TUSC3: variants seen among roughly 807,000 people sequenced by gnomAD.
TUSC3 encodes the protein dolichyl-diphosphooligosaccharide--protein glycosyltransferase subunit TUSC3.
TUSC3 carries 45 observed loss-of-function variants against 44.8 expected under a neutral mutation model. That is an observed-to-expected ratio of 1.00 (90% CI 0.79 to 1.29). The LOEUF (loss-of-function observed/expected upper bound fraction) is 1.29. Among genes scored for constraint, TUSC3 ranks in the 50% most tolerant of loss-of-function variants. TUSC3 has a pLI of 0.00. For synonymous variants in TUSC3, 212 were observed against 152.9 expected (o/e 1.39, Z -2.85); for missense variants, 519 against 437.9 (o/e 1.19, Z -1.65).
In TUSC3 at chr8:15,558,297, T is replaced by C. The variant is rs1212763561; in HGVS notation, c.138+17729T>C. The stretch of plus-strand genomic sequence containing the variant: ...TTTGTCTTTGGCTCTGTTTATATGC[T>C]GGATTACATTTATTGATTTGCGTAT... On this transcript the variant is annotated intron_variant, in intron 1 of 10. Coordinates refer to ENST00000503731, the MANE Select transcript of TUSC3 (RefSeq NM_006765.4). Among the ~76,000 whole-genome samples, 2 of 45,592 alleles carry C rather than the reference T, an allele frequency of 4.4e-5. 1 individual carries two copies. Among genetic ancestry groups the C allele is most frequent in the Non-Finnish European group, 1.3e-4 (2 of 15,188 alleles). The allele number at this position is 45,592 out of a possible 152,430, so 29.9% of individuals were successfully genotyped here.
At chr8:15,768,622 T>C (rs1283375946), downstream of TUSC3, among the ~76,000 whole-genome samples, 2 of 152,062 alleles carry the variant, frequency 1.3e-5, no homozygotes, top group Non-Finnish European at 2.9e-5. Flanking sequence ...ATAAAAATTA[T>C]AAAAAGGATA....
chr8:15,487,323 G>T (rs1423337283), intron 2 of TUSC3, among the ~76,000 whole-genome samples: 1 of 152,080 alleles, frequency 6.6e-6, no homozygotes, highest in East Asian at 1.9e-4. Context: ...TTTGTCTCGT[G>T]ATTTATTTCC....
chr8:15,823,529 T>C, the TUSC3 span, among the ~76,000 whole-genome samples: 2 of 152,186 alleles, frequency 1.3e-5, no homozygotes, highest in African/African-American at 4.8e-5. Flanking sequence ...TTATTCATTA[T>C]TGTAGATTCT....
intron 6 of TUSC3, among the ~76,000 whole-genome samples, chr8:15,721,415 T>C (rs1270111651): frequency 6.6e-6 from 1 of 152,102 alleles, no homozygotes; most frequent in African/African-American, 2.4e-5. Context: ...TATGAGAATA[T>C]TAATGTTCCT....
intron 2 of TUSC3, among the ~76,000 whole-genome samples, chr8:15,630,738 G>A (rs1297409191): frequency 6.6e-6 from 1 of 152,154 alleles, no homozygotes; most frequent in African/African-American, 2.4e-5. Flanking sequence ...CTCTCCGCCA[G>A]CATATCCTAA....
chr8:15,829,401 C>A, the TUSC3 span, among the ~76,000 whole-genome samples: 2 of 152,018 alleles, frequency 1.3e-5, no homozygotes, highest in Admixed American at 1.3e-4. Context: ...TTTTTTTTAC[C>A]CTTCCTTACC....
intron 2 of TUSC3, among the ~76,000 whole-genome samples, chr8:15,496,732 T>C (rs1344389449): frequency 2.0e-5 from 3 of 152,076 alleles, no homozygotes; most frequent in Non-Finnish European, 4.4e-5. Flanking sequence ...GGAGTGTGGG[T>C]CATTTTAACA....
intron 1 of TUSC3, among the ~76,000 whole-genome samples, chr8:15,430,964 T>C (rs1396273183): frequency 6.6e-6 from 1 of 151,826 alleles, no homozygotes; most frequent in Admixed American, 6.6e-5. Context: ...ATTGTAATTA[T>C]TGTAATCTTT....
At chr8:15,611,908 A>T (rs1187823935) in intron 1 of TUSC3, among the ~76,000 whole-genome samples, 1 of 152,212 alleles carries the variant, frequency 6.6e-6, no homozygotes, top group Middle Eastern at 3.2e-3. Flanking sequence ...CTTTTCTACT[A>T]AATGCAAAAC....
chr8:15,790,432 C>T, the TUSC3 span, among the ~76,000 whole-genome samples: 1 of 152,060 alleles, frequency 6.6e-6, no homozygotes, highest in Admixed American at 6.5e-5. Context: ...ATCCACTTGC[C>T]TTGGCCTCCC....
chr8:15,482,322 C>G (rs1563262654), intron 1 of TUSC3, among the ~76,000 whole-genome samples: 2 of 152,190 alleles, frequency 1.3e-5, no homozygotes, highest in Non-Finnish European at 2.9e-5. Flanking sequence ...CCTGTTAATA[C>G]TATTGTGATT....
chr8:15,575,519 A>C (rs1001316277), intron 1 of TUSC3, among the ~76,000 whole-genome samples: 5 of 152,200 alleles, frequency 3.3e-5, no homozygotes, highest in Admixed American at 2.6e-4. Context: ...TAATCCCAGC[A>C]CATTGGGAGG....
intron 1 of TUSC3, among the ~76,000 whole-genome samples, chr8:15,460,829 G>T (rs563923799): frequency 5.9e-5 from 9 of 152,102 alleles, no homozygotes; most frequent in Admixed American, 5.2e-4. Flanking sequence ...TCAAAGATCA[G>T]TTGGCTGTAA....
chr8:15,582,014 C>G lies in TUSC3; in HGVS notation c.139-41066C>G, dbSNP rs953831763. ...AGGTGTGGGATATAATCTTGTGGTG[C>G]GCCGCTTTTTAAGCCGGTCTGAAAA... On this transcript the variant is annotated intron_variant, in intron 1 of 10. Coordinates refer to ENST00000503731, the MANE Select transcript of TUSC3 (RefSeq NM_006765.4). 9.2e-5 allele frequency among the ~76,000 whole-genome samples: 14 copies of G among 152,074 alleles called. No individual in the cohort carries two copies. In the South Asian group the frequency reaches 1.2e-3, roughly 14 times the overall value.
the TUSC3 span, among the ~76,000 whole-genome samples, chr8:15,774,452 A>G: frequency 6.6e-6 from 1 of 152,190 alleles, no homozygotes; most frequent in South Asian, 2.1e-4. Flanking sequence ...TCGCCTGACT[A>G]CAAGCCAGCA....
chr8:15,456,880 T>A lies in TUSC3; in HGVS notation n.92-26506T>A, dbSNP rs373282567. Among the ~76,000 whole-genome samples the A allele has an allele frequency of 5.7e-4, 87 of 152,180 alleles. 2 individuals carry two copies. The South Asian group carries it at 0.018, about 31-fold the overall frequency. ...TTGTAATAGAGAACTATTTCTTAAA[T>A]AAAATACCAAAAGCATTGACTTGAA... On this transcript the variant is annotated intron_variant and non_coding_transcript_variant, in intron 1 of 5. Coordinates refer to the TUSC3 transcript ENST00000503191.
At chr8:15,669,848 C>T (rs187266913) in intron 5 of TUSC3, among the ~76,000 whole-genome samples, 92 of 151,524 alleles carry the variant, frequency 6.1e-4, no homozygotes, top group Non-Finnish European at 1.1e-3. Context: ...AACAAAAAAC[C>T]CACACACATC....
chr8:15,472,288 T>G (rs896872093), intron 1 of TUSC3, among the ~76,000 whole-genome samples: 1 of 152,166 alleles, frequency 6.6e-6, no homozygotes, highest in Non-Finnish European at 1.5e-5. Flanking sequence ...TTTAAAAGCC[T>G]GAGAGATTCT....
upstream of TUSC3, among the ~76,000 whole-genome samples, chr8:15,537,118 A>G (rs1801534430): frequency 6.8e-6 from 1 of 147,494 alleles, no homozygotes; most frequent in Non-Finnish European, 1.5e-5. Context: ...TAGGTCTCTT[A>G]AGAAACATGT....
Sources: gnomAD v4.1 joint callset for allele counts (sites outside exome capture counted in the v4.1 genomes callset) on GRCh38, gnomAD v4.1.1 for gene constraint, MANE v1.5 for transcripts, NCBI Gene and HGNC (gene_info 2026-07-23, HGNC 2026-07-21) for gene names.